Variants in STXBP3 observed in about 807,000 individuals in gnomAD.
STXBP3 encodes syntaxin binding protein 3.
STXBP3 carries 41 observed loss-of-function variants against 85.7 expected under a neutral mutation model. That is an observed-to-expected ratio of 0.48 (90% CI 0.37 to 0.62). The LOEUF (loss-of-function observed/expected upper bound fraction) is 0.62. Among genes scored for constraint, STXBP3 ranks in the 20% least tolerant of loss-of-function variants. The pLI, the probability that STXBP3 is intolerant of heterozygous loss-of-function variation, is 0.00. For synonymous variants in STXBP3, 229 were observed against 231.7 expected, an observed-to-expected ratio of 0.99 and a Z score of 0.10; for missense variants, 563 against 703.1, an observed-to-expected ratio of 0.80 and a Z score of 2.25.
intron 17 of STXBP3, among the ~76,000 whole-genome samples, chr1:108,804,081 TTA>T (rs1663282052): frequency 6.6e-6 from 1 of 152,210 alleles, no homozygotes; most frequent in Admixed American, 6.5e-5. Flanking sequence ...TGGAATTCAT[TTA>T]TGTTTCCTGA....
chr1:108,751,083 T>C (rs562316399), intron 1 of STXBP3, among the ~76,000 whole-genome samples: 36 of 152,312 alleles, frequency 2.4e-4, no homozygotes, highest in African/African-American at 8.7e-4. Context: ...TATATAAGCA[T>C]GAATGATTAC....
intron 8 of STXBP3, among the ~76,000 whole-genome samples, chr1:108,776,696 CA>C (rs1287426056): frequency 2.0e-5 from 3 of 151,966 alleles, no homozygotes; most frequent in Non-Finnish European, 4.4e-5. Flanking sequence ...TCTATTTGGG[CA>C]AATTATGTAA....
At chr1:108,788,522 A>T (rs1378526981) in intron 11 of STXBP3, among the ~76,000 whole-genome samples, 1 of 152,186 alleles carries the variant, frequency 6.6e-6, no homozygotes, top group Non-Finnish European at 1.5e-5. Flanking sequence ...CAGTTCAGGC[A>T]TAGAGACTTC....
chr1:108,756,882 A>G (rs892149270), intron 4 of STXBP3, 116 bp downstream of exon 4: 11 of 668,272 alleles, frequency 1.6e-5, no homozygotes, highest in Non-Finnish European at 2.3e-5. Context: ...ATTGCCATAA[A>G]CTAGTTTGCT....
At chr1:108,749,746 T>A (rs568854195) in intron 1 of STXBP3, among the ~76,000 whole-genome samples, 26 of 152,344 alleles carry the variant, frequency 1.7e-4, no homozygotes, top group African/African-American at 6.0e-4. Context: ...TCTGTAGGTA[T>A]CTTCAGATTC....
At chr1:108,770,701 A>G (rs1662372766) in intron 6 of STXBP3, among the ~76,000 whole-genome samples, 1 of 152,224 alleles carries the variant, frequency 6.6e-6, no homozygotes, top group Non-Finnish European at 1.5e-5. Flanking sequence ...ATAGTTTAAG[A>G]GAAATTATCA....
Position 108,772,228 on chromosome 1 carries a change from C to CAT in STXBP3, c.439-436_439-435dup, listed in dbSNP as rs199899994. On this transcript the variant is annotated intron_variant, in intron 6 of 18. Transcript: ENST00000370008. ...TATCTATCTGTATCATATATAAATA[C>CAT]ATGATATCTATCTGTATCATATATA... Among the ~76,000 whole-genome samples, 159 of 34,114 alleles carry CAT rather than the reference C, an allele frequency of 4.7e-3. 71 individuals are homozygous for CAT. The highest frequency in any genetic ancestry group is 8.5e-3 in the Non-Finnish European group (119 of 14,052). 22.4% of individuals were successfully genotyped at this position (34,114 alleles called of 152,430 possible). A position where few individuals can be genotyped will look rare whatever the true frequency, so the allele number is the denominator to read the frequency against.
chr1:108,769,485 C>G (rs1662337222), intron 6 of STXBP3, among the ~76,000 whole-genome samples: 1 of 152,000 alleles, frequency 6.6e-6, no homozygotes, highest in South Asian at 2.1e-4. Flanking sequence ...GAGTCTGGTA[C>G]AGTTAGTAGA....
At chr1:108,796,583 T>C in intron 14 of STXBP3, 37 bp from the exon 15 acceptor site, 2 of 1,560,004 alleles carry the variant, frequency 1.3e-6, no homozygotes, top group Non-Finnish European at 8.8e-7. Flanking sequence ...TTGGTAGCAA[T>C]TGTGTGATTG....
chr1:108,761,876 G>A (rs1265949652), intron 6 of STXBP3, among the ~76,000 whole-genome samples: 2 of 152,026 alleles, frequency 1.3e-5, no homozygotes, highest in African/African-American at 2.4e-5. Context: ...GGGAGCCTGA[G>A]GCAGGAGAAT....
Position 108,796,353 on chromosome 1 carries a change from T to G in STXBP3, c.1230T>G (p.Leu410=). The part of the protein sequence containing the change: ...DNCDKIRAIL[L]YIFSINGTTE... The stretch of plus-strand genomic sequence containing the variant: ...GTGATAAAATAAGAGCAATTCTACT[T>G]TATATCTTCAGTATTAATGGTAATG... Residue 410 remains leucine, a synonymous_variant, in exon 14 of 19, where the codon CTT becomes CTG. Coordinates refer to ENST00000370008, the MANE Select transcript of STXBP3 (RefSeq NM_007269.4). The G allele has an allele frequency of 6.5e-7, 1 of 1,549,012 alleles. No homozygotes were observed. The highest frequency in any genetic ancestry group is 8.9e-7 in the Non-Finnish European group (1 of 1,121,688).
intron 17 of STXBP3, among the ~76,000 whole-genome samples, chr1:108,803,777 C>T (rs115269907): frequency 0.014 from 2,140 of 152,320 alleles, 36 homozygotes; most frequent in African/African-American, 0.049. Context: ...TGCGCCACTA[C>T]GCCTGGCCAG....
At position 108,800,274 on chromosome 1, in the gene STXBP3, C is replaced by T; in HGVS notation, c.1504C>T (p.Pro502Ser). The stretch of plus-strand genomic sequence containing the variant: ...AGAATGGCCATATTGTTCCCAGTGT[C>T]CAGCAGTATGGAATGGTTCAGGAGC... Reference protein sequence around the residue: ...SKEWPYCSQCPAVWNGSGAVS... With the variant: ...SKEWPYCSQCSAVWNGSGAVS... The change falls in exon 17 of 19, where the codon CCA becomes TCA. Residue 502 changes from proline (P) to serine (S), a missense_variant. Pro to Ser is a moderately conservative substitution (Grantham distance 74, BLOSUM62 -1). This residue lies in a region of STXBP3 where 494 missense variants were observed against 592.8 expected (regional missense o/e 0.83). Coordinates refer to ENST00000370008, the MANE Select transcript of STXBP3 (RefSeq NM_007269.4). 1 of 1,612,296 alleles carries T rather than the reference C, an allele frequency of 6.2e-7. No homozygotes were observed.
chr1:108,807,323 C>T (rs1262588187), intron 17 of STXBP3, 78 bp from the exon 18 acceptor site: 44 of 1,325,962 alleles, frequency 3.3e-5, no homozygotes, highest in Non-Finnish European at 4.4e-5. Context: ...TTGAGTTAGG[C>T]TTTTTAAGTC....
intron 16 of STXBP3, 115 bp from the exon 17 acceptor site, chr1:108,800,105 A>G (rs1166856177): frequency 2.8e-6 from 2 of 707,246 alleles, no homozygotes; most frequent in African/African-American, 1.8e-5. Context: ...CTAATCTTAT[A>G]CTAAATATTT....
intron 6 of STXBP3, chr1:108,767,292 A>T (rs1662283863): frequency 8.8e-6 from 2 of 227,362 alleles, no homozygotes; most frequent in African/African-American, 4.7e-5. Context: ...TTTCCAAAGG[A>T]GGTAACGTTC....
chr1:108,800,533 C>T (rs1432999085), intron 17 of STXBP3, among the ~76,000 whole-genome samples: 2 of 152,188 alleles, frequency 1.3e-5, no homozygotes, highest in African/African-American at 4.8e-5. Context: ...ACCTCCTCTT[C>T]CTTCACATAG....
chr1:108,807,985 G>A (rs1348887412), intron 18 of STXBP3, among the ~76,000 whole-genome samples: 1 of 152,166 alleles, frequency 6.6e-6, no homozygotes, highest in African/African-American at 2.4e-5. Context: ...GTTAACCATA[G>A]AATGTGTTTT....
rs377413952 is a variant in STXBP3 at position 108,796,231 on chromosome 1, A to G, written c.1111-3A>G. 1 of 1,599,174 alleles carries G rather than the reference A, an allele frequency of 6.3e-7. No individual in the cohort carries two copies. The highest frequency in any genetic ancestry group is 8.5e-7 in the Non-Finnish European group (1 of 1,176,228). On this transcript the variant is annotated splice_region_variant and splice_polypyrimidine_tract_variant and intron_variant, in intron 13 of 18. Coordinates refer to ENST00000370008, the MANE Select transcript of STXBP3 (RefSeq NM_007269.4). ...TCACTGACAATATTTTATTTTCATT[A>G]AGGACCTGGCACTTGGAACTGATGC...
Sources: gnomAD v4.1 joint callset for allele counts (sites outside exome capture counted in the v4.1 genomes callset) on GRCh38, gnomAD v4.1.1 for gene constraint, gnomAD v4.1.1 regional missense constraint, MANE v1.5 for transcripts, NCBI Gene and HGNC (gene_info 2026-07-23, HGNC 2026-07-21) for gene names.